CSMD2: variants seen among roughly 807,000 people sequenced by gnomAD.
The protein encoded by CSMD2 is CUB and Sushi multiple domains 2, also known as CUB and sushi domain-containing protein 2.
In CSMD2, 130 loss-of-function variants were observed where a neutral mutation model predicts 398.5. The observed-to-expected ratio is 0.33, with a 90% CI of 0.28 to 0.38. CSMD2 has a LOEUF of 0.38. CSMD2 is among the 10% of genes least tolerant of loss of function. The pLI, the probability that CSMD2 is intolerant of heterozygous loss-of-function variation, is 1.00. For synonymous variants in CSMD2, 1,828 were observed against 1,908.5 expected, an observed-to-expected ratio of 0.96 and a Z score of 1.10; for missense variants, 3,829 against 4,764.9, an observed-to-expected ratio of 0.80 and a Z score of 5.78.
intron 5 of CSMD2, among the ~76,000 whole-genome samples, chr1:33,857,113 G>T (rs985175020): frequency 8.6e-5 from 13 of 152,036 alleles, no homozygotes; most frequent in Non-Finnish European, 1.6e-4. Context: ...TAAACTTACT[G>T]TCTCACTTTG....
intron 56 of CSMD2, among the ~76,000 whole-genome samples, chr1:33,547,008 C>T (rs1200691585): frequency 3.9e-5 from 6 of 152,210 alleles, no homozygotes; most frequent in Admixed American, 3.9e-4. Context: ...TTTAAATGTT[C>T]TCACCACAAA....
chr1:33,638,559 T>C (rs1642934516), intron 29 of CSMD2, among the ~76,000 whole-genome samples: 2 of 152,210 alleles, frequency 1.3e-5, no homozygotes, highest in African/African-American at 4.8e-5. Flanking sequence ...AGATCATGTC[T>C]GCTGAAAACA....
rs565988328 is a variant in CSMD2 at position 34,128,433 on chromosome 1, T to C, written c.187+36478A>G. 3.0e-4 allele frequency among the ~76,000 whole-genome samples: 45 copies of C among 152,100 alleles called. 1 individual carries two copies. The South Asian group carries it at 9.1e-3, about 31-fold the overall frequency. The stretch of plus-strand genomic sequence containing the variant: ...CTGAGGGTGTGTCTCCTAACCTTCC[T>C]CCTCCCTGAGAAAGCACAGACAGAC... On this transcript the variant is annotated intron_variant, in intron 1 of 70. Transcript: ENST00000373381.
chr1:33,551,984 G>A (rs968198389), intron 55 of CSMD2, among the ~76,000 whole-genome samples: 1 of 152,172 alleles, frequency 6.6e-6, no homozygotes, highest in Non-Finnish European at 1.5e-5. Context: ...CAAGATATGA[G>A]TGAGGCCATC....
chr1:33,828,342 C>T (rs1234357811), intron 6 of CSMD2, among the ~76,000 whole-genome samples: 2 of 152,150 alleles, frequency 1.3e-5, no homozygotes, highest in Non-Finnish European at 2.9e-5. Context: ...AGTTCCAGCA[C>T]CACAACAACA....
chr1:33,519,801 C>T lies in CSMD2; in HGVS notation c.10736+11G>A. 2.5e-6 allele frequency: 4 copies of T among 1,613,692 alleles called. No individual in the cohort carries two copies. Among genetic ancestry groups the T allele is most frequent in the Non-Finnish European group, 3.4e-6 (4 of 1,179,850 alleles). ...GCCTGATGCCCGCCCTGCCTCCTTC[C>T]TGCACGGTACCTGTGCTTGTAGAGA... On this transcript the variant is annotated intron_variant, in intron 69 of 70. Coordinates refer to ENST00000373381, the MANE Select transcript of CSMD2 (RefSeq NM_001281956.2). This position sits in a 1 kb window ranked among gnomAD's most constrained non-coding sequence, Gnocchi z 5.6.
In CSMD2 at chr1:33,680,684, C is replaced by G. The variant is rs373957846; in HGVS notation, c.4052+12246G>C. On this transcript the variant is annotated intron_variant, in intron 25 of 70. Coordinates refer to ENST00000373381, the MANE Select transcript of CSMD2 (RefSeq NM_001281956.2). ...TGCTCCAGAGGCTGCCTCCTCTCCC[C>G]CCATTCTCTTTTCCCTACATGAGGC... Among the ~76,000 whole-genome samples, 5 of 152,090 alleles carry G rather than the reference C, an allele frequency of 3.3e-5. No homozygotes were observed. The South Asian group carries it at 8.3e-4, about 25-fold the overall frequency.
intron 15 of CSMD2, 28 bp from the exon 16 acceptor site, chr1:33,726,713 C>A: frequency 1.3e-6 from 2 of 1,594,698 alleles, no homozygotes; most frequent in South Asian, 2.2e-5. Context: ...AGAGAGGCAG[C>A]TTTCTTCAGG....
At chr1:33,549,013 A>G (rs907393809) in intron 56 of CSMD2, among the ~76,000 whole-genome samples, 8 of 152,210 alleles carry the variant, frequency 5.3e-5, no homozygotes, top group African/African-American at 1.4e-4. Flanking sequence ...CTGGGTGGTC[A>G]TATAGAGTGA....
chr1:33,551,939 T>C (rs978528145), intron 55 of CSMD2, among the ~76,000 whole-genome samples: 3 of 152,142 alleles, frequency 2.0e-5, no homozygotes, highest in Admixed American at 6.5e-5. Context: ...GGAGGGACCA[T>C]GGACAATCAC....
At chr1:33,669,850 T>A (rs181045511) in intron 25 of CSMD2, among the ~76,000 whole-genome samples, 1 of 152,212 alleles carries the variant, frequency 6.6e-6, no homozygotes, top group Non-Finnish European at 1.5e-5. Context: ...AAGGAGACCA[T>A]GTGATGGAGG....
At chr1:34,129,548 A>G (rs1192571872) in intron 1 of CSMD2, among the ~76,000 whole-genome samples, 1 of 152,192 alleles carries the variant, frequency 6.6e-6, no homozygotes, top group Non-Finnish European at 1.5e-5. Context: ...GCTACTCAGG[A>G]GGCTGAGGCA....
At chr1:33,732,237 C>T (rs1338734054) in intron 15 of CSMD2, among the ~76,000 whole-genome samples, 1 of 152,122 alleles carries the variant, frequency 6.6e-6, no homozygotes, top group Non-Finnish European at 1.5e-5. Context: ...TGTCCCAGCA[C>T]CTGGTACTCA....
chr1:33,774,983 T>C (rs576040899), intron 12 of CSMD2, among the ~76,000 whole-genome samples: 4 of 152,186 alleles, frequency 2.6e-5, no homozygotes, highest in African/African-American at 9.6e-5. Flanking sequence ...GACAAGGAAA[T>C]AGGTGTTTAT....
intron 22 of CSMD2, among the ~76,000 whole-genome samples, chr1:33,707,870 C>G (rs1403109615): frequency 1.3e-5 from 2 of 152,178 alleles, no homozygotes; most frequent in South Asian, 2.1e-4. Flanking sequence ...AATGGTTTAT[C>G]TTTGGATTTT....
intron 60 of CSMD2, among the ~76,000 whole-genome samples, chr1:33,540,275 CA>C (rs1656208196): frequency 7.8e-6 from 1 of 128,810 alleles, no homozygotes; most frequent in Non-Finnish European, 1.9e-5. Context: ...AAAAAAAAAA[CA>C]CCCCCAATAT....
intron 15 of CSMD2, among the ~76,000 whole-genome samples, chr1:33,729,364 A>C (rs767470612): frequency 4.6e-5 from 7 of 151,408 alleles, no homozygotes; most frequent in Admixed American, 1.3e-4. Context: ...CCAGTGACCT[A>C]TTTAATCATT....
intron 10 of CSMD2, among the ~76,000 whole-genome samples, chr1:33,801,750 G>C (rs1013164541): frequency 6.6e-6 from 1 of 152,168 alleles, no homozygotes; most frequent in African/African-American, 2.4e-5. Flanking sequence ...CTCTCAAAGG[G>C]GGATAGGAAT....
intron 40 of CSMD2, among the ~76,000 whole-genome samples, chr1:33,611,537 C>T (rs559543098): frequency 1.3e-5 from 2 of 152,318 alleles, no homozygotes; most frequent in African/African-American, 2.4e-5. Flanking sequence ...TCAGGGTCAA[C>T]ACTTGTTTAA....
Sources: allele counts gnomAD v4.1 joint callset (sites outside exome capture counted in the v4.1 genomes callset), GRCh38; gene constraint gnomAD v4.1.1; non-coding constraint Gnocchi (gnomAD v3.1); transcripts MANE v1.5; gene names NCBI Gene and HGNC (gene_info 2026-07-23, HGNC 2026-07-21).